CR1L: variants seen among roughly 807,000 people sequenced by gnomAD.
CR1L encodes complement component receptor 1-like protein.
A neutral mutation model predicts 62.3 loss-of-function variants in CR1L; 59 were observed. That is an observed-to-expected ratio of 0.95 (90% CI 0.77 to 1.18). The LOEUF (loss-of-function observed/expected upper bound fraction) is 1.18, where lower values mean the gene tolerates loss of function less well. CR1L is among the 50% of genes most tolerant of loss of function. The pLI is 0.00. For synonymous variants in CR1L, 279 were observed against 248.7 expected, an observed-to-expected ratio of 1.12 and a Z score of -1.15; for missense variants, 700 against 702.8, an observed-to-expected ratio of 1.00 and a Z score of 0.04.
intron 1 of CR1L, chr1:207,655,284 ATTC>A: frequency 1.5e-6 from 1 of 652,186 alleles, no homozygotes; most frequent in Non-Finnish European, 2.6e-6. Context: ...AAGTAAGTAA[ATTC>A]TTTTTTTTTT....
chr1:207,681,104 T>C (rs1663787999), intron 3 of CR1L, among the ~76,000 whole-genome samples: 1 of 152,234 alleles, frequency 6.6e-6, no homozygotes, highest in Admixed American at 6.5e-5. Context: ...CAGGATTTGT[T>C]TTTTATTCTC....
At position 207,717,695 on chromosome 1, in the gene CR1L, A is replaced by G. The variant is rs972859376; in HGVS notation, c.1642+4A>G. ...TGTGAACTTCCTGTTGGTGCTGGTCAGTATCCGCTTCCACATATCCTAAAT... is the reference window on the plus strand; with the variant it reads ...TGTGAACTTCCTGTTGGTGCTGGTCGGTATCCGCTTCCACATATCCTAAAT... On this transcript the variant is annotated splice_donor_region_variant and intron_variant, in intron 11 of 11. Coordinates refer to ENST00000508064, the MANE Select transcript of CR1L (RefSeq NM_175710.2). 3 of 1,613,956 alleles carry G rather than the reference A, an allele frequency of 1.9e-6. No individual in the cohort carries two copies. Among genetic ancestry groups the G allele is most frequent in the African/African-American group, 2.7e-5 (2 of 75,062 alleles).
intron 1 of CR1L, chr1:207,652,822 A>G: frequency 1.9e-6 from 1 of 527,568 alleles, no homozygotes; most frequent in East Asian, 3.3e-5. Flanking sequence ...TATGGAGATG[A>G]TGATTTTTTT....
At chr1:207,674,164 G>T (rs1460208092) in intron 1 of CR1L, among the ~76,000 whole-genome samples, 1 of 152,174 alleles carries the variant, frequency 6.6e-6, no homozygotes, top group East Asian at 1.9e-4. Flanking sequence ...AGAGAAAACA[G>T]GTCGAAGGTT....
At chr1:207,663,489 G>C (rs1186442259) in intron 1 of CR1L, among the ~76,000 whole-genome samples, 2 of 152,212 alleles carry the variant, frequency 1.3e-5, no homozygotes, top group Non-Finnish European at 2.9e-5. Flanking sequence ...TAAGCCATTG[G>C]AAAAGCACAG....
At chr1:207,710,541 C>T in intron 10 of CR1L, 5 of 1,609,436 alleles carry the variant, frequency 3.1e-6, no homozygotes, top group Non-Finnish European at 3.4e-6. Context: ...ATATACTGCA[C>T]CAGCAAAGAT....
intron 9 of CR1L, among the ~76,000 whole-genome samples, chr1:207,706,083 A>AG (rs1273011268): frequency 2.0e-5 from 3 of 150,336 alleles, no homozygotes; most frequent in Non-Finnish European, 3.0e-5. Context: ...GCAAAGAGTA[A>AG]GAAGAGTTAA....
intron 5 of CR1L, among the ~76,000 whole-genome samples, chr1:207,696,340 T>A (rs1364311872): frequency 6.6e-6 from 1 of 152,058 alleles, no homozygotes; most frequent in Non-Finnish European, 1.5e-5. Context: ...TAGAACAGAC[T>A]CTGCCATCAT....
intron 9 of CR1L, among the ~76,000 whole-genome samples, chr1:207,706,668 T>G (rs1664272690): frequency 6.6e-6 from 1 of 152,216 alleles, no homozygotes; most frequent in South Asian, 2.1e-4. Context: ...AAGATAGCAC[T>G]TCTGTTGAGC....
chr1:207,717,647 T>G lies in CR1L; in HGVS notation c.1598T>G (p.Val533Gly). The change falls in exon 11 of 12, where the codon GTT (valine) becomes GGT (glycine). Residue 533 changes from valine to glycine, a missense_variant. Val to Gly is a moderately radical substitution (Grantham distance 109). Transcript: ENST00000508064. ...ACAAGTGAACCTCATGGGAATGGGG[T>G]TTGGAGCAGCCCTGCCCCTCGCTGT... ...RRTSEPHGNG[V>G]WSSPAPRCEL... 1 of 1,613,936 alleles carries G rather than the reference T, an allele frequency of 6.2e-7. No individual in the cohort carries two copies. Among genetic ancestry groups the G allele is most frequent in the Non-Finnish European group, 8.5e-7 (1 of 1,179,874 alleles).
At chr1:207,692,679 T>C (rs1664014879) in intron 4 of CR1L, among the ~76,000 whole-genome samples, 1 of 151,832 alleles carries the variant, frequency 6.6e-6, no homozygotes, top group Non-Finnish European at 1.5e-5. Context: ...TGGGTCATAC[T>C]CTGGTCCCCA....
At chr1:207,670,932 T>C (rs1266080118) in intron 1 of CR1L, among the ~76,000 whole-genome samples, 1 of 151,078 alleles carries the variant, frequency 6.6e-6, no homozygotes, top group Non-Finnish European at 1.5e-5. Flanking sequence ...TATGGATGCT[T>C]CCGGTGTGCA....
At chr1:207,721,076 C>T (rs1018885951) in intron 11 of CR1L, among the ~76,000 whole-genome samples, 1 of 152,158 alleles carries the variant, frequency 6.6e-6, no homozygotes, top group Non-Finnish European at 1.5e-5. Context: ...AATGCAGAAA[C>T]TATCTTAGGA....
chr1:207,706,039 A>ACG (rs1558024088), intron 9 of CR1L, among the ~76,000 whole-genome samples: 6 of 147,858 alleles, frequency 4.1e-5, no homozygotes, highest in African/African-American at 1.5e-4. Context: ...ATATATATAT[A>ACG]TATATAAAAC....
rs1337277660 is a variant in CR1L at position 207,683,920 on chromosome 1, C to T, written c.426C>T (p.Asn142=). The T allele has an allele frequency of 1.2e-6, 2 of 1,613,472 alleles. No homozygotes were observed. Among genetic ancestry groups the T allele is most frequent in the African/African-American group, 1.3e-5 (1 of 74,920 alleles). Residue 142 remains asparagine, a synonymous_variant, in exon 4 of 12, where the codon AAC becomes AAT. Transcript: ENST00000508064. ...SSSATCIISG[N]TVIWDNKTPV... ...CTGCCACATGCATCATCTCAGGCAA[C>T]ACTGTCATTTGGGATAATAAAACAC...
At chr1:207,672,861 T>C (rs764079899) in intron 1 of CR1L, among the ~76,000 whole-genome samples, 1 of 152,138 alleles carries the variant, frequency 6.6e-6, no homozygotes, top group Non-Finnish European at 1.5e-5. Context: ...GATGAGTAGA[T>C]GTATGATTTA....
At chr1:207,704,409 A>G (rs1356823291) in intron 9 of CR1L, among the ~76,000 whole-genome samples, 3 of 152,214 alleles carry the variant, frequency 2.0e-5, no homozygotes, top group Admixed American at 2.0e-4. Context: ...AATGACCACA[A>G]ATTTAGAATA....
intron 8 of CR1L, 140 bp from the exon 9 acceptor site, chr1:207,701,379 A>T: frequency 9.7e-7 from 1 of 1,027,394 alleles, no homozygotes; most frequent in Non-Finnish European, 1.5e-6. Context: ...CTCTCTGATG[A>T]GTTTTCTCAA....
chr1:207,659,031 A>G (rs1663362993), intron 1 of CR1L: 1 of 152,584 alleles, frequency 6.6e-6, no homozygotes, highest in Non-Finnish European at 1.5e-5. Flanking sequence ...GGGCCCCTGC[A>G]ACGCACTTGG....
Sources: allele counts gnomAD v4.1 joint callset (sites outside exome capture counted in the v4.1 genomes callset), GRCh38; gene constraint gnomAD v4.1.1; transcripts MANE v1.5; gene names NCBI Gene and HGNC (gene_info 2026-07-23, HGNC 2026-07-21).